DOCK1: variants seen among roughly 807,000 people sequenced by gnomAD.
DOCK1 encodes the protein dedicator of cytokinesis protein 1.
DOCK1 carries 138 observed loss-of-function variants against 262.7 expected under a neutral mutation model. The ratio of observed to expected loss-of-function variants is 0.53; its 90% confidence interval spans 0.46 to 0.61. The LOEUF is 0.61. Ranked by LOEUF, DOCK1 falls within the 20% of genes least tolerant of loss-of-function variation. The pLI, the probability that DOCK1 is intolerant of heterozygous loss-of-function variation, is 0.00. For missense variants in DOCK1, 1,908 were observed against 2,370.7 expected (o/e 0.80, Z 4.05); for synonymous variants, 866 against 867.4 (o/e 1.00, Z 0.03).
chr10:127,037,138 A>C (rs968601606), intron 18 of DOCK1, among the ~76,000 whole-genome samples: 6 of 151,962 alleles, frequency 3.9e-5, no homozygotes, highest in African/African-American at 1.5e-4. Flanking sequence ...CATAACAACC[A>C]CAAACTTCTG....
chr10:127,258,607 C>T (rs183630422), intron 29 of DOCK1, among the ~76,000 whole-genome samples: 157 of 152,312 alleles, frequency 1.0e-3, no homozygotes, highest in African/African-American at 3.7e-3. Context: ...CACCAGCCTT[C>T]GTGCATCAGT....
chr10:127,342,277 T>A (rs1360889498), intron 30 of DOCK1, among the ~76,000 whole-genome samples: 2 of 152,058 alleles, frequency 1.3e-5, no homozygotes, highest in Non-Finnish European at 2.9e-5. Flanking sequence ...GTGGGAGGTG[T>A]CAGTCCCAAA....
At chr10:127,217,737 G>A (rs1434214642) in intron 27 of DOCK1, among the ~76,000 whole-genome samples, 1 of 152,148 alleles carries the variant, frequency 6.6e-6, no homozygotes, top group Non-Finnish European at 1.5e-5. Flanking sequence ...ACCTTTATGG[G>A]GACTTGGCCA....
chr10:126,910,319 T>C (rs926552913), intron 1 of DOCK1, among the ~76,000 whole-genome samples: 1 of 152,130 alleles, frequency 6.6e-6, no homozygotes, highest in Non-Finnish European at 1.5e-5. Flanking sequence ...TGTGTGTCAA[T>C]AGTTCTGTCT....
chr10:127,327,783 T>C (rs1184054669), intron 29 of DOCK1, among the ~76,000 whole-genome samples: 1 of 152,212 alleles, frequency 6.6e-6, no homozygotes, highest in Non-Finnish European at 1.5e-5. Flanking sequence ...AATCTCCTTC[T>C]TCTCAAGACC....
chr10:127,327,976 C>A (rs927486585), intron 29 of DOCK1, among the ~76,000 whole-genome samples: 2 of 152,008 alleles, frequency 1.3e-5, no homozygotes, highest in African/African-American at 2.4e-5. Flanking sequence ...AGGGCACACC[C>A]CACATAGAGA....
intron 38 of DOCK1, among the ~76,000 whole-genome samples, chr10:127,391,248 T>TA (rs1344306782): frequency 6.6e-6 from 1 of 152,200 alleles, no homozygotes; most frequent in African/African-American, 2.4e-5. Flanking sequence ...ATTTCATTTC[T>TA]GTAGTGGTGA....
chr10:127,207,699 T>C (rs1021040635), intron 27 of DOCK1, among the ~76,000 whole-genome samples: 1 of 152,192 alleles, frequency 6.6e-6, no homozygotes, highest in Admixed American at 6.5e-5. Context: ...TTGAAGGCCA[T>C]AACATCGTAA....
intron 38 of DOCK1, among the ~76,000 whole-genome samples, chr10:127,402,199 T>G (rs10829972): frequency 0.55 from 83,603 of 151,932 alleles, 23,463 homozygotes; most frequent in East Asian, 0.76. Context: ...TGACAAAGGG[T>G]CATGCTAGTT....
intron 46 of DOCK1, among the ~76,000 whole-genome samples, chr10:127,425,302 G>A (rs934272543): frequency 1.3e-5 from 2 of 152,166 alleles, no homozygotes; most frequent in African/African-American, 2.4e-5. Flanking sequence ...CTCTTAGAAC[G>A]TTTTTAAAGG....
In DOCK1 at chr10:127,433,388, C is replaced by T; in HGVS notation, c.5020C>T (p.Leu1674Phe). 1.2e-6 allele frequency: 2 copies of T among 1,614,014 alleles called. No individual in the cohort carries two copies. Among genetic ancestry groups the T allele is most frequent in the Non-Finnish European group, 1.7e-6 (2 of 1,179,908 alleles). Residue 1674 changes from leucine (L) to phenylalanine (F), a missense_variant, in exon 48 of 52, where the codon CTC becomes TTC. Coordinates refer to ENST00000623213, the MANE Select transcript of DOCK1 (RefSeq NM_001290223.2). The stretch of plus-strand genomic sequence containing the variant: ...TCTGTCTGTGGCCTCTGTCTCTTCC[C>T]TCTCATCGGACAGCACCCCTTCCAG... The part of the protein sequence containing the change: ...RPLSVASVSS[L>F]SSDSTPSRPG...
intron 43 of DOCK1, among the ~76,000 whole-genome samples, chr10:127,412,361 T>C (rs1390860576): frequency 1.3e-5 from 2 of 152,208 alleles, no homozygotes; most frequent in African/African-American, 4.8e-5. Flanking sequence ...TCTATGTTGC[T>C]CAGGCTGGTC....
intron 49 of DOCK1, among the ~76,000 whole-genome samples, chr10:127,443,613 C>T (rs1393086936): frequency 1.3e-5 from 2 of 152,100 alleles, no homozygotes; most frequent in Admixed American, 6.5e-5. Context: ...AGGAACCTAC[C>T]TAATGGCGGC....
At chr10:127,038,389 C>T (rs1289117085) in intron 19 of DOCK1, among the ~76,000 whole-genome samples, 1 of 152,164 alleles carries the variant, frequency 6.6e-6, no homozygotes, top group Non-Finnish European at 1.5e-5. Context: ...CATAGGTCCT[C>T]ACTACAGGAC....
chr10:127,317,249 G>A (rs968877163), intron 29 of DOCK1, among the ~76,000 whole-genome samples: 2 of 152,166 alleles, frequency 1.3e-5, no homozygotes, highest in Non-Finnish European at 2.9e-5. Flanking sequence ...AACAGCCCTG[G>A]CCTTTTCGAG....
intron 3 of DOCK1, among the ~76,000 whole-genome samples, chr10:126,980,950 T>G (rs952533392): frequency 6.6e-5 from 10 of 151,386 alleles, no homozygotes; most frequent in South Asian, 4.2e-4. Flanking sequence ...CCTACGTTTT[T>G]TTTTTTTTTT....
chr10:126,918,309 G>A (rs1424811285), intron 1 of DOCK1, among the ~76,000 whole-genome samples: 1 of 151,982 alleles, frequency 6.6e-6, no homozygotes, highest in Non-Finnish European at 1.5e-5. Flanking sequence ...AGCGTGCAGC[G>A]GGGGCTCTGC....
chr10:127,070,416 G>A (rs1037365552), intron 23 of DOCK1, among the ~76,000 whole-genome samples: 8 of 151,700 alleles, frequency 5.3e-5, no homozygotes, highest in African/African-American at 1.9e-4. Context: ...ACCACGCCAA[G>A]CTAATTTTTG....
chr10:127,138,003 T>C (rs1442748855), intron 27 of DOCK1: 1 of 1,610,000 alleles, frequency 6.2e-7, no homozygotes, highest in East Asian at 2.2e-5. Context: ...TTCTTGCTGC[T>C]TAAAATCCAG....
Sources: allele counts gnomAD v4.1 joint callset (sites outside exome capture counted in the v4.1 genomes callset), GRCh38; gene constraint gnomAD v4.1.1; transcripts MANE v1.5; gene names NCBI Gene and HGNC (gene_info 2026-07-23, HGNC 2026-07-21).